The following PCDHGA3 variants were observed in gnomAD, a reference collection of about 807,000 sequenced individuals.
PCDHGA3 encodes protocadherin gamma subfamily A, 3, also known as protocadherin gamma-A3.
Under a neutral mutation model 58.5 loss-of-function variants are expected in PCDHGA3, and 40 were observed. That is an observed-to-expected ratio of 0.68 (90% CI 0.53 to 0.89). PCDHGA3 has a LOEUF of 0.89. Among genes scored for constraint, PCDHGA3 ranks in the 40% least tolerant of loss-of-function variants. PCDHGA3 has a pLI of 0.00. For missense variants in PCDHGA3, 1,223 were observed against 1,195.9 expected, an observed-to-expected ratio of 1.02 and a Z score of -0.33; for synonymous variants, 530 against 525.7, an observed-to-expected ratio of 1.01 and a Z score of -0.11.
At position 141,432,902 on chromosome 5, in the gene PCDHGA3, A is replaced by C. The variant is rs992417865; in HGVS notation, c.2425-61905A>C. The C allele has an allele frequency of 1.2e-6, 2 of 1,614,028 alleles. No homozygotes were observed. The highest frequency in any genetic ancestry group is 2.7e-5 in the African/African-American group (2 of 74,924). On this transcript the variant is annotated intron_variant, in intron 1 of 3. Coordinates refer to ENST00000253812, the MANE Select transcript of PCDHGA3 (RefSeq NM_018916.4). The surrounding 1 kb of genome is among the most constrained non-coding windows in gnomAD (Gnocchi z 6.0). ...CTTCGTCATCTTGCTGCTGGCGCTCAGGCTGCGGCGCTGGCACAAGTCACG... is the reference window on the plus strand; with the variant it reads ...CTTCGTCATCTTGCTGCTGGCGCTCCGGCTGCGGCGCTGGCACAAGTCACG...
At chr5:141,430,846 C>CCA in intron 1 of PCDHGA3, 1 of 1,576,346 alleles carries the variant, frequency 6.3e-7, no homozygotes, top group Non-Finnish European at 8.6e-7. Context: ...CCGGATGCAC[C>CCA]CAGATACGCT....
Position 141,376,615 on chromosome 5 carries a change from T to C in PCDHGA3, c.2424+30158T>C, listed in dbSNP as rs917883333. ...GGCTGTTATAGAAGCGAACCTCTTT[T>C]GGTACAGGAAGATTCGTGATTTTGT... On this transcript the variant is annotated intron_variant, in intron 1 of 3. Transcript: ENST00000253812. 24 of 1,439,268 alleles carry C rather than the reference T, an allele frequency of 1.7e-5. 1 individual carries two copies. In the Admixed American group the frequency reaches 2.3e-4, roughly 14 times the overall value. The allele number at this position is 1,439,268 out of a possible 1,614,324, so 89.2% of individuals were successfully genotyped here.
At chr5:141,455,330 G>T (rs2098819667) in intron 1 of PCDHGA3, among the ~76,000 whole-genome samples, 1 of 152,042 alleles carries the variant, frequency 6.6e-6, no homozygotes, top group South Asian at 2.1e-4. Context: ...GTGTGTTTGT[G>T]GTTTTAAGGA....
At chr5:141,350,709 C>T in intron 1 of PCDHGA3, 2 of 1,613,964 alleles carry the variant, frequency 1.2e-6, no homozygotes, top group Non-Finnish European at 1.7e-6. Context: ...GTAAAATTCT[C>T]TCTGGATTCT....
chr5:141,417,767 T>G lies in PCDHGA3; in HGVS notation c.2424+71310T>G, dbSNP rs1333916865. 1.3e-5 allele frequency: 19 copies of G among 1,442,000 alleles called. No individual in the cohort carries two copies. The South Asian group carries it at 1.8e-4, about 13-fold the overall frequency. 89.3% of individuals were successfully genotyped at this position (1,442,000 alleles called of 1,614,324 possible). ...GATTGCCAGCTCCGAGACCCGGGAC[T>G]CCTCCTGTCCTGGGCCGAATGCTCT... On this transcript the variant is annotated intron_variant, in intron 1 of 3. Coordinates refer to ENST00000253812, the MANE Select transcript of PCDHGA3 (RefSeq NM_018916.4).
At position 141,490,909 on chromosome 5, in the gene PCDHGA3, G is replaced by A. The variant is rs1170664693; in HGVS notation, c.2425-3898G>A. On this transcript the variant is annotated intron_variant, in intron 1 of 3. Coordinates refer to ENST00000253812, the MANE Select transcript of PCDHGA3 (RefSeq NM_018916.4). The surrounding 1 kb of genome is among the most constrained non-coding windows in gnomAD (Gnocchi z 5.4). ...ATCTCTGCATGTGTTTGTCCTAGAC[G>A]AGAATGATAATGCCCCAGCTGTGCT... The A allele has an allele frequency of 1.1e-5, 17 of 1,613,626 alleles. No individual in the cohort carries two copies. Among genetic ancestry groups the A allele is most frequent in the East Asian group, 4.5e-5 (2 of 44,882 alleles).
chr5:141,432,386 A>C lies in PCDHGA3; in HGVS notation c.2425-62421A>C. 1 of 1,614,204 alleles carries C rather than the reference A, an allele frequency of 6.2e-7. No homozygotes were observed. Among genetic ancestry groups the C allele is most frequent in the Non-Finnish European group, 8.5e-7 (1 of 1,180,032 alleles). ...GCGGGACAACGGGCACCCGCCCCTC[A>C]GCAGCAACGTGTCGTTGAGCCTGTT... On this transcript the variant is annotated intron_variant, in intron 1 of 3. Transcript: ENST00000253812. This position sits in a 1 kb window ranked among gnomAD's most constrained non-coding sequence, Gnocchi z 6.0.
At chr5:141,385,137 G>A in intron 1 of PCDHGA3, 1 of 1,614,232 alleles carries the variant, frequency 6.2e-7, no homozygotes, top group Non-Finnish European at 8.5e-7. Context: ...TGGACGGGGT[G>A]CAGGCTTTCC....
At chr5:141,362,751 C>T (rs1293273265) in intron 1 of PCDHGA3, 5 of 673,946 alleles carry the variant, frequency 7.4e-6, no homozygotes, top group African/African-American at 1.8e-5. Context: ...TGATTGCAAA[C>T]CTTTATCACA....
intron 1 of PCDHGA3, chr5:141,395,075 C>A: frequency 6.2e-7 from 1 of 1,614,124 alleles, no homozygotes; most frequent in Non-Finnish European, 8.5e-7. Context: ...AGACCTATTC[C>A]CAGGAAGTCT....
chr5:141,399,465 G>C (rs770080703), intron 1 of PCDHGA3: 20 of 1,614,014 alleles, frequency 1.2e-5, no homozygotes, highest in Non-Finnish European at 1.7e-5. Flanking sequence ...ATAACGCTCC[G>C]GTTTTCCACC....
At chr5:141,478,735 G>T in intron 1 of PCDHGA3, 1 of 1,535,968 alleles carries the variant, frequency 6.5e-7, no homozygotes, top group Non-Finnish European at 8.8e-7. Flanking sequence ...AGTGTGGTTT[G>T]TGGTCCCATT....
chr5:141,383,364 C>G lies in PCDHGA3; in HGVS notation c.2424+36907C>G, dbSNP rs1345393790. Reference sequence around the variant, plus strand: ...CTCCTGGGGTTCGGTTTCCGTTAAGCGAGGCTGGGGATCCAGATGTGGGCA... The same window carrying G: ...CTCCTGGGGTTCGGTTTCCGTTAAGGGAGGCTGGGGATCCAGATGTGGGCA... On this transcript the variant is annotated intron_variant, in intron 1 of 3. Transcript: ENST00000253812. The G allele has an allele frequency of 2.5e-6, 4 of 1,613,946 alleles. No homozygotes were observed. The South Asian group carries it at 4.4e-5, about 18-fold the overall frequency.
At chr5:141,392,956 T>G in intron 1 of PCDHGA3, 1 of 1,613,820 alleles carries the variant, frequency 6.2e-7, no homozygotes, top group South Asian at 1.1e-5. Context: ...GTGGGTAATA[T>G]CTCCAAGGAC....
chr5:141,423,119 G>A (rs769320490), intron 1 of PCDHGA3: 1 of 1,613,774 alleles, frequency 6.2e-7, no homozygotes, highest in South Asian at 1.1e-5. Context: ...CGTACAGCGC[G>A]GGCACTGCTG....
chr5:141,472,795 G>A (rs939788734), intron 1 of PCDHGA3, among the ~76,000 whole-genome samples: 1 of 151,794 alleles, frequency 6.6e-6, no homozygotes, highest in Non-Finnish European at 1.5e-5. Flanking sequence ...AGATCAGCCT[G>A]ACCAACATGG....
At chr5:141,438,589 TAC>T (rs72335471) in intron 1 of PCDHGA3, among the ~76,000 whole-genome samples, 19,881 of 66,350 alleles carry the variant, frequency 0.3, 2,903 homozygotes, top group Admixed American at 0.41. Context: ...CATACATACA[TAC>T]ATATATATAT....
Position 141,347,137 on chromosome 5 carries a change from C to CTTTCTT in PCDHGA3, c.2424+681_2424+682insTTCTTT, listed in dbSNP as rs1554073405. On this transcript the variant is annotated intron_variant, in intron 1 of 3. Transcript: ENST00000253812. ...CTCCTTCCTTCCTTCCTCTGTTTCT[C>CTTTCTT]TCTTTCTTTCTTTCTTTCTTTCTTT... Among the ~76,000 whole-genome samples, 4 of 113,834 alleles carry CTTTCTT rather than the reference C, an allele frequency of 3.5e-5. No individual in the cohort carries two copies. In the South Asian group the frequency reaches 1.3e-3, roughly 36 times the overall value. The allele number at this position is 113,834 out of a possible 152,430, so 74.7% of individuals were successfully genotyped here.
At position 141,414,245 on chromosome 5, in the gene PCDHGA3, T is replaced by G. The variant is rs760119941; in HGVS notation, c.2424+67788T>G. On this transcript the variant is annotated intron_variant, in intron 1 of 3. Transcript: ENST00000253812. ...CCAGAGCTGACCATCACGTCTCTAT[T>G]TAGTCCAGTGACTGAAGATTCACCT... 49 of 1,613,380 alleles carry G rather than the reference T, an allele frequency of 3.0e-5. 1 individual carries two copies. The highest frequency in any genetic ancestry group is 1.3e-4 in the South Asian group (12 of 90,978).
Sources: allele counts gnomAD v4.1 joint callset (sites outside exome capture counted in the v4.1 genomes callset), GRCh38; gene constraint gnomAD v4.1.1; non-coding constraint Gnocchi (gnomAD v3.1); transcripts MANE v1.5; gene names NCBI Gene and HGNC (gene_info 2026-07-23, HGNC 2026-07-21).